Variants in POLA1 observed in about 807,000 individuals in gnomAD.
The protein encoded by POLA1 is DNA polymerase alpha 1, catalytic subunit.
In POLA1, 15 loss-of-function variants were observed where a neutral mutation model predicts 124.0. That is an observed-to-expected ratio of 0.12 (90% CI 0.08 to 0.19). The LOEUF (loss-of-function observed/expected upper bound fraction) is 0.19. Ranked by LOEUF, POLA1 falls within the 10% of genes least tolerant of loss-of-function variation. The probability of loss-of-function intolerance (pLI) is 1.00; values close to 1 mark genes in which losing one functional copy is unlikely to be tolerated. For synonymous variants in POLA1, 408 were observed against 389.4 expected (o/e 1.05, Z -0.56); for missense variants, 886 against 1,103.4 (o/e 0.80, Z 2.79).
intron 15 of POLA1, among the ~76,000 whole-genome samples, chrX:24,729,849 G>A: frequency 9.1e-6 from 1 of 109,913 alleles, no homozygotes; most frequent in Non-Finnish European, 1.9e-5. Context: ...CTGTTGCCCA[G>A]GCTAGAGTGC....
chrX:24,979,997 G>A (rs1257898370), intron 36 of POLA1, among the ~76,000 whole-genome samples: 6 of 112,047 alleles, frequency 5.4e-5, no homozygotes, highest in Non-Finnish European at 9.4e-5. Context: ...TGGAGGAGAT[G>A]TGGACCATGT....
chrX:24,749,840 G>A, intron 26 of POLA1, among the ~76,000 whole-genome samples: 1 of 112,280 alleles, frequency 8.9e-6, no homozygotes, highest in Non-Finnish European at 1.9e-5. Context: ...GACACTGTAA[G>A]CTTCAACTGT....
At chrX:24,830,375 G>A (rs952606978) in intron 32 of POLA1, among the ~76,000 whole-genome samples, 1 of 111,408 alleles carries the variant, frequency 9.0e-6, no homozygotes, top group African/African-American at 3.3e-5. Flanking sequence ...TTAGTGAAAG[G>A]GAGAGAGGAT....
intron 35 of POLA1, among the ~76,000 whole-genome samples, chrX:24,896,448 G>GAC (rs1470784905): frequency 9.1e-5 from 10 of 110,167 alleles, no homozygotes; most frequent in Non-Finnish European, 1.5e-4. Flanking sequence ...TTTTTGTTTT[G>GAC]GTTTTTGGTT....
At chrX:24,901,097 A>T (rs1188547419) in intron 35 of POLA1, among the ~76,000 whole-genome samples, 1 of 112,054 alleles carries the variant, frequency 8.9e-6, no homozygotes, top group Non-Finnish European at 1.9e-5. Context: ...CCCTGTCCTC[A>T]TGGAACTTAC....
intron 36 of POLA1, among the ~76,000 whole-genome samples, chrX:24,938,292 T>C (rs2047876014): frequency 9.0e-6 from 1 of 111,594 alleles, no homozygotes; most frequent in South Asian, 3.8e-4. Flanking sequence ...GGCACGTGCC[T>C]GTAATCCCAG....
chrX:24,805,609 A>G (rs1279482776), intron 26 of POLA1, among the ~76,000 whole-genome samples: 2 of 112,097 alleles, frequency 1.8e-5, no homozygotes, highest in South Asian at 3.7e-4. Context: ...ATCTTGAACA[A>G]TTATTCTCAA....
chrX:24,722,253 T>G, intron 10 of POLA1, among the ~76,000 whole-genome samples: 1 of 111,992 alleles, frequency 8.9e-6, no homozygotes, highest in Non-Finnish European at 1.9e-5. Flanking sequence ...GAGCCCAGGA[T>G]TTTGCACAGT....
At chrX:24,899,181 A>G (rs1371998542) in intron 35 of POLA1, among the ~76,000 whole-genome samples, 2 of 111,988 alleles carry the variant, frequency 1.8e-5, no homozygotes, top group African/African-American at 3.2e-5. Context: ...TAATGCTGCT[A>G]TTAAGATCCG....
intron 35 of POLA1, among the ~76,000 whole-genome samples, chrX:24,929,463 ATCT>A (rs754066497): frequency 3.6e-5 from 4 of 111,893 alleles, no homozygotes; most frequent in South Asian, 3.7e-4. Flanking sequence ...TTGTCATTTG[ATCT>A]TCTCATTTGA....
intron 34 of POLA1, among the ~76,000 whole-genome samples, chrX:24,879,979 CA>C (rs2046982565): frequency 9.0e-6 from 1 of 111,494 alleles, no homozygotes; most frequent in South Asian, 3.8e-4. Context: ...TAATGTACCT[CA>C]GGTACATCTT....
At chrX:24,778,182 C>T (rs2148448230) in intron 26 of POLA1, among the ~76,000 whole-genome samples, 1 of 111,788 alleles carries the variant, frequency 8.9e-6, no homozygotes, top group South Asian at 3.8e-4. Flanking sequence ...ATAGTTTCTT[C>T]CTTTTTGTGA....
At chrX:24,819,631 G>GT (rs978700833) in intron 30 of POLA1, among the ~76,000 whole-genome samples, 24 of 109,333 alleles carry the variant, frequency 2.2e-4, no homozygotes, top group Middle Eastern at 4.7e-3. Context: ...GTTGAGAGCT[G>GT]TTTTTTTTTG....
chrX:24,899,391 T>C, intron 35 of POLA1, among the ~76,000 whole-genome samples: 1 of 111,709 alleles, frequency 9.0e-6, no homozygotes, highest in East Asian at 2.8e-4. Flanking sequence ...TACTGAAATA[T>C]ATTTCATGGG....
intron 26 of POLA1, among the ~76,000 whole-genome samples, chrX:24,803,930 TAA>T (rs34721601): frequency 0.023 from 311 of 13,787 alleles, 1 homozygote; most frequent in Non-Finnish European, 0.029. Flanking sequence ...ACCCTAGACT[TAA>T]AAAAAAAAAA....
intron 36 of POLA1, among the ~76,000 whole-genome samples, chrX:24,991,196 TC>T (rs764127266): frequency 1.7e-4 from 17 of 99,745 alleles, no homozygotes; most frequent in African/African-American, 5.2e-4. Flanking sequence ...CTCTACAACC[TC>T]CCCCCCCACA....
intron 4 of POLA1, among the ~76,000 whole-genome samples, chrX:24,709,272 A>G (rs1166170212): frequency 1.1e-3 from 65 of 60,147 alleles, no homozygotes; most frequent in African/African-American, 4.6e-3. Flanking sequence ...CCCGGACGGC[A>G]CGGCTGGCCA....
intron 3 of POLA1, 103 bp from the exon 4 acceptor site, chrX:24,704,286 A>G: frequency 1.8e-6 from 1 of 565,780 alleles, no homozygotes; most frequent in Non-Finnish European, 3.1e-6. Flanking sequence ...AGCACAGGCC[A>G]GGAAAACATC....
At chrX:24,730,488 C>T (rs183195159) in intron 15 of POLA1, among the ~76,000 whole-genome samples, 337 of 110,820 alleles carry the variant, frequency 3.0e-3, no homozygotes, top group African/African-American at 9.8e-3. Context: ...TTAAGTGATC[C>T]GCCCACCTTG....
Sources: gnomAD v4.1 joint callset for allele counts (sites outside exome capture counted in the v4.1 genomes callset) on GRCh38, gnomAD v4.1.1 for gene constraint, MANE v1.5 for transcripts, NCBI Gene and HGNC (gene_info 2026-07-23, HGNC 2026-07-21) for gene names.